The following SLIT3 variants were observed in gnomAD, a reference collection of about 807,000 sequenced individuals.
The protein encoded by SLIT3 is slit homolog 3 protein.
A neutral mutation model predicts 184.0 loss-of-function variants in SLIT3; 68 were observed. The observed-to-expected ratio is 0.37, with a 90% confidence interval of 0.30 to 0.45. SLIT3 has a LOEUF of 0.45. Ranked by LOEUF, SLIT3 falls within the 20% of genes least tolerant of loss-of-function variation. SLIT3 has a pLI of 1.00. For synonymous variants in SLIT3, 831 were observed against 828.6 expected (o/e 1.00, Z -0.05); for missense variants, 1,707 against 2,026.0 (o/e 0.84, Z 3.02).
intron 29 of SLIT3, among the ~76,000 whole-genome samples, chr5:168,688,648 G>A (rs76253835): frequency 9.2e-5 from 14 of 152,182 alleles, no homozygotes; most frequent in African/African-American, 2.9e-4. Flanking sequence ...ACCAATTCAC[G>A]TTTACTTGAT....
chr5:168,934,104 G>T (rs1442677999), intron 4 of SLIT3, among the ~76,000 whole-genome samples: 1 of 152,188 alleles, frequency 6.6e-6, no homozygotes, highest in Non-Finnish European at 1.5e-5. Context: ...GGCTCCACCT[G>T]CTTCCCGGAA....
chr5:168,821,988 T>C (rs1263017403), intron 7 of SLIT3, among the ~76,000 whole-genome samples: 2 of 152,228 alleles, frequency 1.3e-5, no homozygotes, highest in Admixed American at 6.5e-5. Context: ...TCTCAAACTT[T>C]ATGAGCATTA....
At chr5:168,854,318 C>T (rs1320663371) in intron 5 of SLIT3, among the ~76,000 whole-genome samples, 1 of 137,694 alleles carries the variant, frequency 7.3e-6, no homozygotes, top group African/African-American at 2.8e-5. Context: ...CATTGGCCTG[C>T]AAAGTATTCT....
At chr5:168,815,850 A>T (rs1041473525) in intron 8 of SLIT3, among the ~76,000 whole-genome samples, 2 of 152,152 alleles carry the variant, frequency 1.3e-5, no homozygotes, top group Admixed American at 1.3e-4. Context: ...ACCCTTTAGT[A>T]CTAAAGGTGG....
chr5:169,002,098 G>A (rs1372134446), intron 4 of SLIT3, among the ~76,000 whole-genome samples: 1 of 151,972 alleles, frequency 6.6e-6, no homozygotes, highest in Non-Finnish European at 1.5e-5. Context: ...CAGATCACCT[G>A]AGGTCAGGAG....
At chr5:168,774,874 A>G (rs1173360074) in intron 12 of SLIT3, among the ~76,000 whole-genome samples, 1 of 152,136 alleles carries the variant, frequency 6.6e-6, no homozygotes, top group African/African-American at 2.4e-5. Context: ...AACTGCATCT[A>G]TGTGTAGGCA....
chr5:168,864,322 T>C (rs1199120175), intron 5 of SLIT3, among the ~76,000 whole-genome samples: 1 of 152,208 alleles, frequency 6.6e-6, no homozygotes, highest in Non-Finnish European at 1.5e-5. Flanking sequence ...TCATATTATA[T>C]ATAAAGATCA....
At chr5:169,077,028 C>T (rs1490061491) in intron 4 of SLIT3, among the ~76,000 whole-genome samples, 4 of 152,096 alleles carry the variant, frequency 2.6e-5, no homozygotes, top group Non-Finnish European at 5.9e-5. Context: ...TTTGAACTAC[C>T]TGGGATCACT....
intron 4 of SLIT3, among the ~76,000 whole-genome samples, chr5:169,179,281 T>A (rs887116347): frequency 7.5e-6 from 1 of 133,288 alleles, no homozygotes; most frequent in African/African-American, 4.0e-5. Flanking sequence ...TTTTTCTTTT[T>A]TTTTTTTTTT....
chr5:168,662,506 TCTC>T lies in SLIT3; in HGVS notation c.*3945_*3947del, dbSNP rs1323838213. The T allele has an allele frequency of 1.3e-5, 2 of 152,110 alleles. No individual in the cohort carries two copies. Among genetic ancestry groups the T allele is most frequent in the African/African-American group, 4.8e-5 (2 of 41,410 alleles). The allele number at this position is 152,110 out of a possible 1,614,324, so 9.4% of individuals were successfully genotyped here. ...GAGTTATCCCTCTTCTTGCCCTTCT[TCTC>T]ATCTTTTTGAAGCATCAGACTTGAG... On this transcript the variant is annotated 3_prime_UTR_variant, in exon 36 of 36. Coordinates refer to ENST00000519560, the MANE Select transcript of SLIT3 (RefSeq NM_003062.4).
chr5:168,920,791 C>G (rs1761609766), intron 4 of SLIT3, among the ~76,000 whole-genome samples: 2 of 149,888 alleles, frequency 1.3e-5, no homozygotes, highest in Non-Finnish European at 3.0e-5. Flanking sequence ...ATTTAAACTC[C>G]AAGTCTCTCT....
chr5:168,904,472 T>C (rs10078414), intron 4 of SLIT3, among the ~76,000 whole-genome samples: 67,863 of 149,480 alleles, frequency 0.45, 15,743 homozygotes, highest in East Asian at 0.63. Context: ...ATCCAGAAAA[T>C]CTTACTTTAG....
intron 4 of SLIT3, among the ~76,000 whole-genome samples, chr5:168,936,648 T>C (rs905389081): frequency 3.3e-5 from 5 of 152,128 alleles, no homozygotes; most frequent in Admixed American, 6.5e-5. Context: ...GCTGACATTA[T>C]GCTGGAATAA....
At chr5:169,002,139 C>A (rs1165320393) in intron 4 of SLIT3, among the ~76,000 whole-genome samples, 2 of 151,390 alleles carry the variant, frequency 1.3e-5, no homozygotes, top group African/African-American at 4.9e-5. Flanking sequence ...CATGGTGAAA[C>A]CCCATTTCTA....
At chr5:168,983,263 A>C (rs1443180937) in intron 4 of SLIT3, among the ~76,000 whole-genome samples, 1 of 152,216 alleles carries the variant, frequency 6.6e-6, no homozygotes, top group African/African-American at 2.4e-5. Context: ...CACTTTGTAG[A>C]GATCTCACAA....
intron 5 of SLIT3, among the ~76,000 whole-genome samples, chr5:168,849,382 G>T (rs1245974052): frequency 1.3e-5 from 2 of 152,214 alleles, no homozygotes; most frequent in Admixed American, 1.3e-4. Context: ...TGCTAAATGG[G>T]AGAAGTAGCT....
chr5:168,663,579 C>T lies in SLIT3; in HGVS notation c.*2875G>A, dbSNP rs1298449346. ...AACAACCCTGCTGGCACCTGTGGCCCAGTTTAGCATGCACAGCTCTTTGTG... is the reference window on the plus strand; with the variant it reads ...AACAACCCTGCTGGCACCTGTGGCCTAGTTTAGCATGCACAGCTCTTTGTG... On this transcript the variant is annotated 3_prime_UTR_variant, in exon 36 of 36. Transcript: ENST00000519560. The T allele has an allele frequency of 6.6e-6, 1 of 152,324 alleles. No individual in the cohort carries two copies. The highest frequency in any genetic ancestry group is 2.4e-5 in the African/African-American group (1 of 41,444). The allele number at this position is 152,324 out of a possible 1,614,324, so 9.4% of individuals were successfully genotyped here. A position where few individuals can be genotyped will look rare whatever the true frequency, so the allele number is the denominator to read the frequency against.
At chr5:169,051,023 T>C (rs1337824417) in intron 4 of SLIT3, among the ~76,000 whole-genome samples, 1 of 152,194 alleles carries the variant, frequency 6.6e-6, no homozygotes, top group African/African-American at 2.4e-5. Context: ...TAGCAAACCA[T>C]CAAGATCTGC....
At chr5:169,263,969 GGTT>G (rs747292704) in intron 1 of SLIT3, among the ~76,000 whole-genome samples, 31 of 148,434 alleles carry the variant, frequency 2.1e-4, no homozygotes, top group Non-Finnish European at 3.7e-4. Context: ...GGAGAAACGG[GGTT>G]TTTTTTTTTT....
Sources: allele counts gnomAD v4.1 joint callset (sites outside exome capture counted in the v4.1 genomes callset), GRCh38; gene constraint gnomAD v4.1.1; transcripts MANE v1.5; gene names NCBI Gene and HGNC (gene_info 2026-07-23, HGNC 2026-07-21).